The following FRMD6 variants were observed in gnomAD, a reference collection of about 807,000 sequenced individuals.
FRMD6 encodes FERM domain containing 6.
FRMD6 carries 37 observed loss-of-function variants against 73.2 expected under a neutral mutation model. The observed-to-expected ratio is 0.51, with a 90% CI of 0.39 to 0.66. The LOEUF (loss-of-function observed/expected upper bound fraction) is 0.66. Among genes scored for constraint, FRMD6 ranks in the 30% least tolerant of loss-of-function variants. The probability of loss-of-function intolerance (pLI) is 0.00; values close to 1 mark genes in which losing one functional copy is unlikely to be tolerated. For missense variants in FRMD6, 714 were observed against 780.5 expected (o/e 0.91, Z 1.02); for synonymous variants, 273 against 282.2 (o/e 0.97, Z 0.33).
rs558783082 is a variant in FRMD6, at chr14:51,527,489, A to G, written c.-210+38069A>G. Among the ~76,000 whole-genome samples the G allele has an allele frequency of 3.9e-5, 6 of 152,342 alleles. 1 individual carries two copies. In the South Asian group the frequency reaches 1.2e-3, roughly 32 times the overall value. On this transcript the variant is annotated intron_variant, in intron 1 of 14. Coordinates refer to the FRMD6 transcript ENST00000356218. ...TTATATAAATATTTGGGTAGATGAG[A>G]CAAATAGATCAGATAGGCAGACCCA...
chr14:51,581,867 T>C (rs952338991), intron 2 of FRMD6, among the ~76,000 whole-genome samples: 6 of 152,170 alleles, frequency 3.9e-5, no homozygotes, highest in African/African-American at 1.2e-4. Context: ...CAGCTATACA[T>C]AGAGTGAAAG....
intron 1 of FRMD6, among the ~76,000 whole-genome samples, chr14:51,521,399 T>G (rs1884946931): frequency 6.6e-6 from 1 of 152,186 alleles, no homozygotes; most frequent in Non-Finnish European, 1.5e-5. Context: ...AAAATGAGAT[T>G]GGAGTATATA....
chr14:51,426,027 G>C, the FRMD6 span, among the ~76,000 whole-genome samples: 2 of 151,960 alleles, frequency 1.3e-5, no homozygotes, highest in African/African-American at 4.8e-5. Context: ...CCTCTTTCAT[G>C]CTCTCCAAAT....
intron 1 of FRMD6, among the ~76,000 whole-genome samples, chr14:51,688,246 C>G (rs1362821977): frequency 6.6e-6 from 1 of 152,004 alleles, no homozygotes; most frequent in Non-Finnish European, 1.5e-5. Context: ...GATGTACTGG[C>G]TATAACCTAA....
At chr14:51,397,323 C>T in the FRMD6 span, among the ~76,000 whole-genome samples, 3 of 152,312 alleles carry the variant, frequency 2.0e-5, no homozygotes, top group East Asian at 5.8e-4. Flanking sequence ...AAGCCCTTTA[C>T]ATAAGGTATT....
At chr14:51,523,840 T>G (rs1469794615) in intron 1 of FRMD6, among the ~76,000 whole-genome samples, 1 of 152,250 alleles carries the variant, frequency 6.6e-6, no homozygotes, top group African/African-American at 2.4e-5. Flanking sequence ...TATTCAGTGT[T>G]ACACGTTTGG....
rs541874137 is a variant in FRMD6 at position 51,698,824 on chromosome 14, C to G, written c.190+592C>G. 2.6e-5 allele frequency among the ~76,000 whole-genome samples: 4 copies of G among 152,108 alleles called. No individual in the cohort carries two copies. The South Asian group carries it at 8.3e-4, about 32-fold the overall frequency. ...GGACTTCATATAAGCTTTCTTCTCT[C>G]ATAACACCTTAGTTAGAGTTAAATT... On this transcript the variant is annotated intron_variant, in intron 3 of 13. Coordinates refer to ENST00000344768, the MANE Select transcript of FRMD6 (RefSeq NM_001267046.2).
chr14:51,580,653 C>A (rs150345123), intron 2 of FRMD6, among the ~76,000 whole-genome samples: 1 of 152,110 alleles, frequency 6.6e-6, no homozygotes, highest in African/African-American at 2.4e-5. Context: ...CGTAAAAAAG[C>A]AACACAATGT....
chr14:51,476,281 A>C, the FRMD6 span, among the ~76,000 whole-genome samples: 1 of 152,204 alleles, frequency 6.6e-6, no homozygotes, highest in Non-Finnish European at 1.5e-5. Context: ...GGGCCAACGC[A>C]TGCTGGGAGG....
chr14:51,636,860 G>A (rs1594635032), intron 2 of FRMD6, among the ~76,000 whole-genome samples: 1 of 152,132 alleles, frequency 6.6e-6, no homozygotes, highest in African/African-American at 2.4e-5. Context: ...GTAAGGGTGA[G>A]GCCACTGTAG....
chr14:51,458,138 T>C, the FRMD6 span, among the ~76,000 whole-genome samples: 1 of 152,234 alleles, frequency 6.6e-6, no homozygotes, highest in East Asian at 1.9e-4. Flanking sequence ...CTTTAACCTA[T>C]GTGGCTTTGT....
intron 1 of FRMD6, among the ~76,000 whole-genome samples, chr14:51,674,411 C>T (rs1001104706): frequency 6.6e-6 from 1 of 152,016 alleles, no homozygotes; most frequent in Non-Finnish European, 1.5e-5. Flanking sequence ...AGTAAGTGAG[C>T]CATTTGTGTT....
At chr14:51,680,000 C>G (rs1894687851) in intron 1 of FRMD6, among the ~76,000 whole-genome samples, 2 of 152,258 alleles carry the variant, frequency 1.3e-5, no homozygotes, top group South Asian at 4.1e-4. Flanking sequence ...GCACAGGGTG[C>G]AAAACCTCGG....
chr14:51,433,181 C>T, the FRMD6 span, among the ~76,000 whole-genome samples: 1 of 152,190 alleles, frequency 6.6e-6, no homozygotes, highest in Admixed American at 6.5e-5. Context: ...TCAGAAATCT[C>T]ATTTTAGAAA....
At position 51,728,297 on chromosome 14, in the gene FRMD6, A is replaced by G; in HGVS notation, c.*268A>G. 2.5e-6 allele frequency: 1 copy of G among 393,714 alleles called. No individual in the cohort carries two copies. The highest frequency in any genetic ancestry group is 4.0e-5 in the East Asian group (1 of 24,862). 24.4% of individuals were successfully genotyped at this position (393,714 alleles called of 1,614,324 possible). On this transcript the variant is annotated 3_prime_UTR_variant, in exon 14 of 14. Transcript: ENST00000344768. ...GAAGGAAATGCGCTTTACTGATTGC[A>G]AAGCCTTCAGAATATTGGAGTGTGG...
At chr14:51,409,892 C>T in the FRMD6 span, among the ~76,000 whole-genome samples, 1,639 of 152,244 alleles carry the variant, frequency 0.011, 31 homozygotes, top group African/African-American at 0.037. Context: ...CCCGGCCCAA[C>T]GCAGTATGTT....
At chr14:51,445,444 T>C in the FRMD6 span, among the ~76,000 whole-genome samples, 1 of 150,464 alleles carries the variant, frequency 6.6e-6, no homozygotes, top group Admixed American at 6.6e-5. Flanking sequence ...AGAAGAAGAG[T>C]GGAAGAAAAA....
the FRMD6 span, among the ~76,000 whole-genome samples, chr14:51,445,000 C>T: frequency 6.6e-6 from 1 of 152,128 alleles, no homozygotes; most frequent in African/African-American, 2.4e-5. Context: ...GCCTCAGGAG[C>T]CTGGAAATGG....
chr14:51,597,310 G>C (rs146064250), intron 2 of FRMD6, among the ~76,000 whole-genome samples: 201 of 152,330 alleles, frequency 1.3e-3, no homozygotes, highest in African/African-American at 4.5e-3. Flanking sequence ...GAAGTACTTC[G>C]CTATTTCAGC....
Sources: gnomAD v4.1 joint callset for allele counts (sites outside exome capture counted in the v4.1 genomes callset) on GRCh38, gnomAD v4.1.1 for gene constraint, MANE v1.5 for transcripts, NCBI Gene and HGNC (gene_info 2026-07-23, HGNC 2026-07-21) for gene names.